The following DDX23 variants were observed in gnomAD, a reference collection of about 807,000 sequenced individuals.
DDX23 encodes DEAD-box helicase 23, also known as probable ATP-dependent RNA helicase DDX23.
DDX23 carries 33 observed loss-of-function variants against 102.7 expected under a neutral mutation model. That is an observed-to-expected ratio of 0.32 (90% CI 0.24 to 0.43). The LOEUF is 0.43. Among genes scored for constraint, DDX23 ranks in the 20% least tolerant of loss-of-function variants. DDX23 has a pLI of 1.00. For synonymous variants in DDX23, 352 were observed against 376.0 expected (o/e 0.94, Z 0.74); for missense variants, 549 against 1,086.6 (o/e 0.51, Z 6.96).
At chr12:48,847,648 C>A (rs1170044043) in intron 1 of DDX23, among the ~76,000 whole-genome samples, 1 of 151,018 alleles carries the variant, frequency 6.6e-6, no homozygotes, top group Non-Finnish European at 1.5e-5. Context: ...GGCAATATGG[C>A]AAAAACCCAT....
chr12:48,834,419 C>T lies in DDX23; in HGVS notation c.1461G>A (p.Glu487=). The change falls in exon 12 of 17, where the codon GAG becomes GAA. Residue 487 remains glutamate (E), a synonymous_variant. Transcript: ENST00000308025. ...TRELAQQIEE[E]TIKFGKPLGI... ...CTAGCGGTTTCCCAAACTTGATGGTCTCTTCCTCAATCTGTTGAGCCAACT... is the reference window on the plus strand; with the variant it reads ...CTAGCGGTTTCCCAAACTTGATGGTTTCTTCCTCAATCTGTTGAGCCAACT... 1.9e-6 allele frequency: 3 copies of T among 1,614,182 alleles called. No individual in the cohort carries two copies. In the South Asian group the frequency reaches 3.3e-5, roughly 18 times the overall value.
chr12:48,832,673 G>C lies in DDX23; in HGVS notation c.1804-100C>G, dbSNP rs1938408580. The C allele has an allele frequency of 6.9e-7, 1 of 1,453,776 alleles. No individual in the cohort carries two copies. Among genetic ancestry groups the C allele is most frequent in the Non-Finnish European group, 9.2e-7 (1 of 1,083,348 alleles). The allele number at this position is 1,453,776 out of a possible 1,614,324, so 90.1% of individuals were successfully genotyped here. On this transcript the variant is annotated intron_variant, in intron 13 of 16. Coordinates refer to ENST00000308025, the MANE Select transcript of DDX23 (RefSeq NM_004818.3). This position sits in a 1 kb window ranked among gnomAD's most constrained non-coding sequence, Gnocchi z 4.4. ...AGCCCAGACTAAAGAATCTAAAATG[G>C]GCCACAGTATAGGCTTTGATAGCCA...
intron 3 of DDX23, among the ~76,000 whole-genome samples, chr12:48,841,840 GC>G (rs1172652450): frequency 6.6e-6 from 1 of 152,212 alleles, no homozygotes; most frequent in Admixed American, 6.5e-5. Flanking sequence ...GCCTGCCTTG[GC>G]CCCCCAAAGT....
At chr12:48,838,710 A>G (rs1592201688) in intron 5 of DDX23, among the ~76,000 whole-genome samples, 1 of 151,586 alleles carries the variant, frequency 6.6e-6, no homozygotes, top group East Asian at 2.0e-4. Flanking sequence ...AAAATTAGCC[A>G]GGCATGGTGG....
chr12:48,832,445 G>A lies in DDX23; in HGVS notation c.1932C>T (p.Phe644=). 1 of 1,613,860 alleles carries A rather than the reference G, an allele frequency of 6.2e-7. No individual in the cohort carries two copies. Among genetic ancestry groups the A allele is most frequent in the Middle Eastern group, 1.6e-4 (1 of 6,062 alleles). ...KPHERVEQKV[F]LMSESEKRKK... ...ACCTCTTTTCTGACTCTGACATGAG[G>A]AAGACCTTCTGTTCCACACGCTCAT... The change falls in exon 14 of 17, where the codon TTC becomes TTT. Residue 644 remains phenylalanine, a synonymous_variant. Transcript: ENST00000308025. This position sits in a 1 kb window ranked among gnomAD's most constrained non-coding sequence, Gnocchi z 4.4.
Position 48,836,269 on chromosome 12 carries a change from G to C in DDX23, c.1237-3C>G. The C allele has an allele frequency of 6.2e-7, 1 of 1,614,054 alleles. No individual in the cohort carries two copies. The highest frequency in any genetic ancestry group is 8.5e-7 in the Non-Finnish European group (1 of 1,179,950). ...TGACGCTGTATAGGTGTTGGTTCCT[G>C]CAGTGACCCCAAGAAAGAGTAATAG... On this transcript the variant is annotated splice_region_variant and splice_polypyrimidine_tract_variant and intron_variant, in intron 10 of 16. Transcript: ENST00000308025. This position sits in a 1 kb window ranked among gnomAD's most constrained non-coding sequence, Gnocchi z 6.1.
intron 3 of DDX23, among the ~76,000 whole-genome samples, chr12:48,840,550 ATTTTTT>A (rs747756955): frequency 7.6e-6 from 1 of 131,916 alleles, no homozygotes. Flanking sequence ...TTAGAGAAAA[ATTTTTT>A]TTTTTTTTTT....
intron 2 of DDX23, among the ~76,000 whole-genome samples, chr12:48,844,710 A>G (rs1301261036): frequency 6.7e-6 from 1 of 150,132 alleles, no homozygotes; most frequent in African/African-American, 2.5e-5. Flanking sequence ...TGACCTCGTG[A>G]TCCACCTGCC....
chr12:48,837,915 G>C, intron 6 of DDX23, 27 bp downstream of exon 6: 1 of 1,611,950 alleles, frequency 6.2e-7, no homozygotes, highest in Non-Finnish European at 8.5e-7. Flanking sequence ...CTTCCATCTA[G>C]GGGCTACACA....
chr12:48,832,277 C>CT lies in DDX23; in HGVS notation c.1956-92dup, dbSNP rs1486375558. The CT allele has an allele frequency of 4.7e-5, 73 of 1,554,858 alleles. No homozygotes were observed. The highest frequency in any genetic ancestry group is 6.8e-5 in the African/African-American group (5 of 73,676). On this transcript the variant is annotated intron_variant, in intron 14 of 16. Transcript: ENST00000308025. This position sits in a 1 kb window ranked among gnomAD's most constrained non-coding sequence, Gnocchi z 4.4. The stretch of plus-strand genomic sequence containing the variant: ...CATCTATGAACACTACTTTCAGGGT[C>CT]TTTAATGCCCATGACATTCTGCCCA...
chr12:48,838,687 T>TA (rs940028499), intron 5 of DDX23, among the ~76,000 whole-genome samples: 5 of 150,968 alleles, frequency 3.3e-5, no homozygotes, highest in East Asian at 2.0e-4. Flanking sequence ...CTATCTCTAC[T>TA]AAAAAAATAC....
intron 5 of DDX23, among the ~76,000 whole-genome samples, chr12:48,839,325 A>C (rs1938511095): frequency 6.6e-6 from 1 of 152,004 alleles, no homozygotes; most frequent in African/African-American, 2.4e-5. Flanking sequence ...TTGTGAGGCC[A>C]AGGAGGGCAG....
chr12:48,849,633 G>A (rs895156941), intron 1 of DDX23, among the ~76,000 whole-genome samples: 1 of 151,552 alleles, frequency 6.6e-6, no homozygotes, highest in African/African-American at 2.4e-5. Context: ...CACTAGCCTG[G>A]GTGACAGAGC....
intron 11 of DDX23, among the ~76,000 whole-genome samples, chr12:48,835,712 A>G (rs1158065587): frequency 1.3e-5 from 2 of 152,156 alleles, no homozygotes; most frequent in Admixed American, 6.5e-5. Flanking sequence ...CTCCGTCTCA[A>G]AAAACAAAAC....
intron 16 of DDX23, 32 bp downstream of exon 16, chr12:48,831,110 C>A: frequency 6.2e-7 from 1 of 1,612,640 alleles, no homozygotes; most frequent in Non-Finnish European, 8.5e-7. Flanking sequence ...CTGACTTCAC[C>A]CTGGATTGAA....
chr12:48,831,051 A>G (rs1323435962), intron 16 of DDX23, 91 bp downstream of exon 16: 2 of 1,432,288 alleles, frequency 1.4e-6, no homozygotes, highest in Non-Finnish European at 1.9e-6. Flanking sequence ...AGGCAGTAAC[A>G]GCCTTCCATG....
intron 3 of DDX23, among the ~76,000 whole-genome samples, chr12:48,842,552 G>A (rs1201295446): frequency 6.9e-6 from 1 of 144,754 alleles, no homozygotes; most frequent in East Asian, 2.1e-4. Context: ...GAGGTGGGGG[G>A]GTCAGCCCCC....
chr12:48,830,755 C>T lies in DDX23; in HGVS notation c.2240-63G>A. ...ATGCCCTGGGGAGCCGTGTCTGATGCCTCCACTTCTAGAGGCATCCTTCCC... is the reference window on the plus strand; with the variant it reads ...ATGCCCTGGGGAGCCGTGTCTGATGTCTCCACTTCTAGAGGCATCCTTCCC... On this transcript the variant is annotated intron_variant, in intron 16 of 16. Coordinates refer to ENST00000308025, the MANE Select transcript of DDX23 (RefSeq NM_004818.3). This position sits in a 1 kb window ranked among gnomAD's most constrained non-coding sequence, Gnocchi z 4.9. 1 of 1,485,980 alleles carries T rather than the reference C, an allele frequency of 6.7e-7. No homozygotes were observed. Among genetic ancestry groups the T allele is most frequent in the Non-Finnish European group, 9.1e-7 (1 of 1,094,506 alleles). 92.0% of individuals were successfully genotyped at this position (1,485,980 alleles called of 1,614,324 possible).
Position 48,840,036 on chromosome 12 carries a change from C to A in DDX23, c.391G>T (p.Glu131Ter). 6.2e-7 allele frequency: 1 copy of A among 1,614,114 alleles called. No homozygotes were observed. Among genetic ancestry groups the A allele is most frequent in the South Asian group, 1.1e-5 (1 of 91,064 alleles). Reference sequence around the variant, plus strand: ...ACCTTAGGCTTCTTATCACCATGTTCATCCTCTTCATCCTTCTTAGAGTCT... The same window carrying A: ...ACCTTAGGCTTCTTATCACCATGTTAATCCTCTTCATCCTTCTTAGAGTCT... ...DRDSKKDEED[E>*]HGDKKPKAQP... The change falls in exon 4 of 17, where the codon GAA becomes TAA. Residue 131 changes from glutamate (E) to a stop codon, truncating the protein, a stop_gained. Transcript: ENST00000308025. LOFTEE classifies it high-confidence loss of function.
Sources: allele counts gnomAD v4.1 joint callset (sites outside exome capture counted in the v4.1 genomes callset), GRCh38; gene constraint gnomAD v4.1.1; non-coding constraint Gnocchi (gnomAD v3.1); transcripts MANE v1.5; gene names NCBI Gene and HGNC (gene_info 2026-07-23, HGNC 2026-07-21).